The following DACT2 variants were observed in gnomAD, a reference collection of about 807,000 sequenced individuals.
The protein encoded by DACT2 is dapper homolog 2.
A neutral mutation model predicts 22.2 loss-of-function variants in DACT2; 20 were observed. That is an observed-to-expected ratio of 0.90 (90% CI 0.63 to 1.31). The LOEUF (loss-of-function observed/expected upper bound fraction) is 1.31. Ranked by LOEUF, DACT2 falls within the 50% of genes most tolerant of loss-of-function variation. The pLI, the probability that DACT2 is intolerant of heterozygous loss-of-function variation, is 0.00. For synonymous variants in DACT2, 463 were observed against 479.8 expected (o/e 0.96, Z 0.46); for missense variants, 1,048 against 1,061.4 (o/e 0.99, Z 0.18).
At chr6:168,301,216 A>T (rs1307397253) in intron 3 of DACT2, among the ~76,000 whole-genome samples, 7 of 152,158 alleles carry the variant, frequency 4.6e-5, no homozygotes, top group African/African-American at 1.7e-4. Flanking sequence ...CCTCTCTCAC[A>T]GGCATGGAGT....
chr6:168,297,796 A>G (rs1212922414), intron 3 of DACT2, among the ~76,000 whole-genome samples: 2 of 152,250 alleles, frequency 1.3e-5, no homozygotes, highest in Non-Finnish European at 2.9e-5. Context: ...GTAAGAGTCC[A>G]TCATTAGAGG....
chr6:168,318,844 C>A (rs991454082), intron 1 of DACT2, among the ~76,000 whole-genome samples: 1 of 152,156 alleles, frequency 6.6e-6, no homozygotes, highest in Non-Finnish European at 1.5e-5. Flanking sequence ...CAGTTACATG[C>A]TTTCCCCCAA....
intron 1 of DACT2, among the ~76,000 whole-genome samples, chr6:168,311,521 AACACACAC>A (rs750627035): frequency 1.8e-3 from 101 of 56,072 alleles, no homozygotes; most frequent in South Asian, 3.6e-3. Context: ...CACACACACA[AACACACAC>A]ACACACCCAT....
At chr6:168,296,352 C>G (rs572766131) in intron 3 of DACT2, among the ~76,000 whole-genome samples, 26 of 147,902 alleles carry the variant, frequency 1.8e-4, no homozygotes, top group Middle Eastern at 3.6e-3. Context: ...AGGACAGGCA[C>G]CCAGAATCAG....
At chr6:168,318,596 CA>C (rs1366326430) in intron 1 of DACT2, among the ~76,000 whole-genome samples, 1 of 152,176 alleles carries the variant, frequency 6.6e-6, no homozygotes, top group African/African-American at 2.4e-5. Flanking sequence ...GAAAATACAG[CA>C]ACTACGAAAA....
chr6:168,306,929 T>C lies in DACT2; in HGVS notation c.*503A>G, dbSNP rs1779222002. 1 of 990,434 alleles carries C rather than the reference T, an allele frequency of 1.0e-6. No individual in the cohort carries two copies. The highest frequency in any genetic ancestry group is 1.7e-5 in the African/African-American group (1 of 57,290). 61.4% of individuals were successfully genotyped at this position (990,434 alleles called of 1,614,324 possible). ...TTAAAAGAGGGAAAAAAAATGTTCC[T>C]TTTATTTGAGATCATGGCATAATTT... On this transcript the variant is annotated 3_prime_UTR_variant, in exon 4 of 4. Transcript: ENST00000366795.
chr6:168,301,930 CG>C (rs1179703913), downstream of DACT2: 1 of 152,690 alleles, frequency 6.5e-6, no homozygotes, highest in Non-Finnish European at 1.5e-5. Context: ...TTCCCGGCTC[CG>C]GGCCCGCTCT....
exon 6 of DACT2, chr6:168,293,018 G>T (rs73258828): frequency 6.6e-6 from 1 of 152,112 alleles, no homozygotes; most frequent in South Asian, 2.1e-4. Context: ...TTCTGGCAGT[G>T]TCCTAAAAAG....
rs75202118 is a variant in DACT2 at position 168,307,297 on chromosome 6, G to A, written c.*135C>T. 4,189 of 1,470,364 alleles carry A rather than the reference G, an allele frequency of 2.8e-3. 105 individuals carry two copies. In the African/African-American group the frequency reaches 0.053, roughly 19 times the overall value. The allele number at this position is 1,470,364 out of a possible 1,614,324, so 91.1% of individuals were successfully genotyped here. A position where few individuals can be genotyped will look rare whatever the true frequency, so the allele number is the denominator to read the frequency against. On this transcript the variant is annotated 3_prime_UTR_variant, in exon 4 of 4. Transcript: ENST00000366795. This position sits in a 1 kb window ranked among gnomAD's most constrained non-coding sequence, Gnocchi z 5.3. ...CTCCACAGGGCAGAACCCATCTGCGGGGACTCCTGTTAAACGGTGGCCTCG... is the reference window on the plus strand; with the variant it reads ...CTCCACAGGGCAGAACCCATCTGCGAGGACTCCTGTTAAACGGTGGCCTCG...
downstream of DACT2, among the ~76,000 whole-genome samples, chr6:168,305,641 G>A (rs1055407650): frequency 1.8e-4 from 27 of 152,158 alleles, no homozygotes; most frequent in African/African-American, 2.4e-4. Context: ...CTGAGGCTGC[G>A]CCCACAGTCC....
At chr6:168,311,551 T>C (rs116100248) in intron 1 of DACT2, among the ~76,000 whole-genome samples, 137 of 97,558 alleles carry the variant, frequency 1.4e-3, no homozygotes, top group South Asian at 2.2e-3. Flanking sequence ...CACACACACA[T>C]ACACACACTC....
intron 3 of DACT2, among the ~76,000 whole-genome samples, chr6:168,309,380 G>C (rs1355965518): frequency 6.6e-6 from 1 of 151,852 alleles, no homozygotes; most frequent in Non-Finnish European, 1.5e-5. Flanking sequence ...CACAGGCGTG[G>C]GGCCCGTCTG....
chr6:168,318,740 C>G (rs1417061813), intron 1 of DACT2, among the ~76,000 whole-genome samples: 1 of 151,716 alleles, frequency 6.6e-6, no homozygotes, highest in Admixed American at 6.6e-5. Flanking sequence ...GAAGAGGGCC[C>G]GTGGCAGGGA....
chr6:168,313,370 G>C (rs1418588769), intron 1 of DACT2, among the ~76,000 whole-genome samples: 1 of 152,166 alleles, frequency 6.6e-6, no homozygotes, highest in African/African-American at 2.4e-5. Flanking sequence ...ATCTGTGAAT[G>C]TGAACATGGC....
chr6:168,305,243 T>C (rs1370666240), downstream of DACT2, among the ~76,000 whole-genome samples: 1 of 152,192 alleles, frequency 6.6e-6, no homozygotes, highest in Non-Finnish European at 1.5e-5. Flanking sequence ...GTTCTCCTGG[T>C]CAGCTTGCAG....
intron 3 of DACT2, among the ~76,000 whole-genome samples, chr6:168,296,084 G>A (rs28496829): frequency 3.4e-3 from 345 of 102,326 alleles, no homozygotes; most frequent in African/African-American, 0.011. Context: ...TGGAGGACAG[G>A]CACCCAGAAT....
chr6:168,306,222 TCTG>T (rs1779202698), downstream of DACT2, among the ~76,000 whole-genome samples: 1 of 152,198 alleles, frequency 6.6e-6, no homozygotes, highest in East Asian at 1.9e-4. Context: ...GCCCAGGACG[TCTG>T]CGGGGACTTC....
At chr6:168,297,036 AT>A (rs1158406621) in intron 3 of DACT2, among the ~76,000 whole-genome samples, 5 of 152,210 alleles carry the variant, frequency 3.3e-5, no homozygotes, top group African/African-American at 1.2e-4. Flanking sequence ...AAATATGAAA[AT>A]TGTTCAACCT....
chr6:168,301,648 A>G (rs1779107296), intron 3 of DACT2, among the ~76,000 whole-genome samples: 1 of 152,220 alleles, frequency 6.6e-6, no homozygotes, highest in South Asian at 2.1e-4. Context: ...CCCGCCTCTC[A>G]TTAGAGCTGT....
Sources: allele counts gnomAD v4.1 joint callset (sites outside exome capture counted in the v4.1 genomes callset), GRCh38; gene constraint gnomAD v4.1.1; non-coding constraint Gnocchi (gnomAD v3.1); transcripts MANE v1.5; gene names NCBI Gene and HGNC (gene_info 2026-07-23, HGNC 2026-07-21).